CCSER1: variants seen among roughly 807,000 people sequenced by gnomAD.
CCSER1 encodes coiled-coil serine rich protein 1.
CCSER1 carries 41 observed loss-of-function variants against 82.0 expected under a neutral mutation model. The ratio of observed to expected loss-of-function variants is 0.50; its 90% CI spans 0.39 to 0.65. The LOEUF is 0.65. Ranked by LOEUF, CCSER1 falls within the 30% of genes least tolerant of loss-of-function variation. The pLI is 0.00. For missense variants in CCSER1, 1,119 were observed against 1,064.2 expected (o/e 1.05, Z -0.72); for synonymous variants, 414 against 383.9 (o/e 1.08, Z -0.92).
chr4:91,193,817 TATTG>T (rs763056979), intron 10 of CCSER1, among the ~76,000 whole-genome samples: 33 of 119,606 alleles, frequency 2.8e-4, no homozygotes, highest in Non-Finnish European at 3.6e-4. Flanking sequence ...CTGTTTGTTT[TATTG>T]ATTTTTTTTT....
At chr4:90,134,255 C>T (rs763670924) in intron 1 of CCSER1, among the ~76,000 whole-genome samples, 3 of 152,154 alleles carry the variant, frequency 2.0e-5, no homozygotes, top group Non-Finnish European at 4.4e-5. Context: ...AACTCATAAA[C>T]AGAGAAACTC....
intron 10 of CCSER1, among the ~76,000 whole-genome samples, chr4:91,260,900 A>G (rs1741072890): frequency 6.6e-6 from 1 of 152,068 alleles, no homozygotes; most frequent in Admixed American, 6.5e-5. Context: ...AGCTGGGACT[A>G]CAGGCGCCCG....
At chr4:90,704,951 C>T (rs567810899) in intron 6 of CCSER1, among the ~76,000 whole-genome samples, 5 of 152,280 alleles carry the variant, frequency 3.3e-5, no homozygotes, top group Admixed American at 2.6e-4. Context: ...GTTTGATCAT[C>T]TTAAGCCTTC....
At chr4:91,379,049 A>G (rs1389249998) in intron 10 of CCSER1, among the ~76,000 whole-genome samples, 1 of 152,184 alleles carries the variant, frequency 6.6e-6, no homozygotes, top group Non-Finnish European at 1.5e-5. Flanking sequence ...ATGCTGGATT[A>G]TGTTTATTGA....
chr4:91,380,900 A>C (rs1038119416), intron 10 of CCSER1, among the ~76,000 whole-genome samples: 2 of 151,954 alleles, frequency 1.3e-5, no homozygotes, highest in African/African-American at 4.8e-5. Flanking sequence ...GTTCCTTTCC[A>C]TGTTTAGTGC....
At chr4:91,521,621 T>C (rs1246249091) in intron 10 of CCSER1, among the ~76,000 whole-genome samples, 3 of 152,244 alleles carry the variant, frequency 2.0e-5, no homozygotes, top group African/African-American at 7.2e-5. Context: ...TGCATTTCTC[T>C]GATGACCAGT....
chr4:90,260,380 G>A (rs376097195), intron 1 of CCSER1, among the ~76,000 whole-genome samples: 1 of 152,118 alleles, frequency 6.6e-6, no homozygotes, highest in East Asian at 1.9e-4. Flanking sequence ...CTATTATTGT[G>A]CTGCTATCTC....
chr4:90,631,053 C>T (rs1207774693), intron 6 of CCSER1, among the ~76,000 whole-genome samples: 17 of 151,836 alleles, frequency 1.1e-4, no homozygotes, highest in Admixed American at 1.1e-3. Flanking sequence ...GCCACCATGC[C>T]CGGCTAATTT....
intron 10 of CCSER1, among the ~76,000 whole-genome samples, chr4:91,166,236 C>T (rs1462173522): frequency 1.3e-5 from 2 of 152,126 alleles, no homozygotes; most frequent in Non-Finnish European, 1.5e-5. Flanking sequence ...ACAAGAATTA[C>T]TAAATTTTTA....
At chr4:90,672,370 C>T (rs572009908) in intron 6 of CCSER1, among the ~76,000 whole-genome samples, 3 of 152,168 alleles carry the variant, frequency 2.0e-5, no homozygotes, top group African/African-American at 7.2e-5. Flanking sequence ...TTTCCTTAAA[C>T]ATCATGAATC....
chr4:90,650,002 G>T (rs1227621511), intron 6 of CCSER1, among the ~76,000 whole-genome samples: 2 of 152,040 alleles, frequency 1.3e-5, no homozygotes, highest in African/African-American at 4.8e-5. Context: ...AGATCATGAG[G>T]TCAGGAGTTT....
At chr4:90,918,352 A>G (rs1727828734) in intron 8 of CCSER1, 4 of 426,892 alleles carry the variant, frequency 9.4e-6, no homozygotes, top group South Asian at 5.0e-5. Context: ...AATTTGGGAT[A>G]AATTGGACTG....
chr4:91,099,779 G>A (rs1724872255), intron 10 of CCSER1, among the ~76,000 whole-genome samples: 1 of 152,176 alleles, frequency 6.6e-6, no homozygotes, highest in African/African-American at 2.4e-5. Context: ...TTCAGGTTAA[G>A]ATAAAAGACT....
chr4:90,282,831 C>T lies in CCSER1; in HGVS notation c.-41-25413C>T, dbSNP rs1046462855. Among the ~76,000 whole-genome samples the T allele has an allele frequency of 5.9e-5, 9 of 151,874 alleles. No homozygotes were observed. The East Asian group carries it at 1.7e-3, about 29-fold the overall frequency. ...AGGACCTTTATTGGTCACTGTATTT[C>T]ACAAGAGTCAGATTAAGGTCCATTA... On this transcript the variant is annotated intron_variant, in intron 1 of 10. Transcript: ENST00000509176.
chr4:91,534,366 T>G (rs1761192960), intron 10 of CCSER1, among the ~76,000 whole-genome samples: 1 of 152,002 alleles, frequency 6.6e-6, no homozygotes, highest in Non-Finnish European at 1.5e-5. Flanking sequence ...GTATCTAAAT[T>G]TAATGTTCTT....
chr4:90,748,506 T>C (rs1747945641), intron 7 of CCSER1, among the ~76,000 whole-genome samples: 1 of 148,808 alleles, frequency 6.7e-6, no homozygotes, highest in African/African-American at 2.4e-5. Flanking sequence ...TACGTGTGCA[T>C]GTGTCTTTAT....
intron 3 of CCSER1, among the ~76,000 whole-genome samples, chr4:90,347,344 T>TCTATCTAC (rs2153508273): frequency 6.6e-6 from 1 of 151,972 alleles, no homozygotes; most frequent in South Asian, 2.1e-4. Context: ...TATCTATCTA[T>TCTATCTAC]CTATCTATAT....
chr4:91,449,816 G>A (rs944830462), intron 10 of CCSER1, among the ~76,000 whole-genome samples: 14 of 151,800 alleles, frequency 9.2e-5, no homozygotes, highest in Non-Finnish European at 1.6e-4. Context: ...TGCCTTTTTG[G>A]AAAAAGATAG....
At chr4:90,852,280 G>A (rs1326802878) in intron 8 of CCSER1, among the ~76,000 whole-genome samples, 1 of 152,236 alleles carries the variant, frequency 6.6e-6, no homozygotes, top group Non-Finnish European at 1.5e-5. Context: ...AGTCACTGTG[G>A]TAGTGCATTG....
Sources: allele counts gnomAD v4.1 joint callset (sites outside exome capture counted in the v4.1 genomes callset), GRCh38; gene constraint gnomAD v4.1.1; transcripts MANE v1.5; gene names NCBI Gene and HGNC (gene_info 2026-07-23, HGNC 2026-07-21).